The following FAM171B variants were observed in gnomAD, a reference collection of about 807,000 sequenced individuals.
FAM171B encodes the protein protein FAM171B.
Under a neutral mutation model 75.6 loss-of-function variants are expected in FAM171B, and 19 were observed. That is an observed-to-expected ratio of 0.25 (90% CI 0.18 to 0.37). FAM171B has a LOEUF of 0.37. FAM171B is among the 10% of genes least tolerant of loss of function. The pLI, the probability that FAM171B is intolerant of heterozygous loss-of-function variation, is 1.00. For missense variants in FAM171B, 848 were observed against 982.4 expected (o/e 0.86, Z 1.83); for synonymous variants, 367 against 361.7 (o/e 1.01, Z -0.17).
intron 2 of FAM171B, 119 bp from the exon 3 acceptor site, chr2:186,743,364 C>A: frequency 1.6e-6 from 1 of 622,412 alleles, no homozygotes; most frequent in Non-Finnish European, 2.9e-6. Flanking sequence ...CTCTTCCCAT[C>A]AAGCATTTGT....
chr2:186,696,485 C>A (rs1458566290), intron 1 of FAM171B, among the ~76,000 whole-genome samples: 5 of 142,742 alleles, frequency 3.5e-5, no homozygotes, highest in African/African-American at 1.3e-4. Flanking sequence ...TAAATAGGAT[C>A]ATTTCTGCCC....
intron 5 of FAM171B, 103 bp from the exon 6 acceptor site, chr2:186,753,830 C>T: frequency 1.3e-6 from 1 of 793,140 alleles, no homozygotes; most frequent in Admixed American, 1.9e-5. Context: ...TATATATTGC[C>T]ACAGTTTTCA....
At chr2:186,726,324 A>G (rs1482431223) in intron 1 of FAM171B, among the ~76,000 whole-genome samples, 2 of 152,134 alleles carry the variant, frequency 1.3e-5, no homozygotes, top group Non-Finnish European at 2.9e-5. Context: ...GTTTGGATCC[A>G]ATCTGGGGCT....
At chr2:186,709,663 G>T (rs925847860) in intron 1 of FAM171B, among the ~76,000 whole-genome samples, 1 of 152,144 alleles carries the variant, frequency 6.6e-6, no homozygotes, top group Non-Finnish European at 1.5e-5. Flanking sequence ...GTTGTGTGTT[G>T]ATGTCTCCTA....
intron 1 of FAM171B, among the ~76,000 whole-genome samples, chr2:186,735,104 G>A (rs914936671): frequency 3.3e-5 from 5 of 152,306 alleles, no homozygotes; most frequent in Middle Eastern, 3.4e-3. Context: ...TAGGGGCAGG[G>A]CTCCCTCTGG....
chr2:186,702,669 A>G (rs1026352530), intron 1 of FAM171B, among the ~76,000 whole-genome samples: 1 of 152,130 alleles, frequency 6.6e-6, no homozygotes, highest in African/African-American at 2.4e-5. Flanking sequence ...GTGCCATTTC[A>G]GGTAGGGCAG....
intron 6 of FAM171B, among the ~76,000 whole-genome samples, 170 bp downstream of exon 6, chr2:186,754,219 C>T (rs939085635): frequency 1.8e-4 from 27 of 152,036 alleles, no homozygotes; most frequent in Admixed American, 3.3e-4. Context: ...AGATTAAGCG[C>T]CATGAACTCT....
At chr2:186,748,017 G>A (rs1160859282) in intron 4 of FAM171B, among the ~76,000 whole-genome samples, 3 of 152,036 alleles carry the variant, frequency 2.0e-5, no homozygotes, top group Non-Finnish European at 4.4e-5. Context: ...TAACCACCAA[G>A]GTTCGAGTGA....
rs1690672106 is a variant in FAM171B at position 186,764,494 on chromosome 2, T to A, written c.*1671T>A. ...TTTTTTTTTTTTTTTTTTTTAGTGATAAGGCTCATAACAATTAATTAGAGA... is the reference window on the plus strand; with the variant it reads ...TTTTTTTTTTTTTTTTTTTTAGTGAAAAGGCTCATAACAATTAATTAGAGA... On this transcript the variant is annotated 3_prime_UTR_variant, in exon 8 of 8. Transcript: ENST00000304698. The A allele has an allele frequency of 6.9e-5, 1 of 14,398 alleles. No homozygotes were observed. Among genetic ancestry groups the A allele is most frequent in the African/African-American group, 1.1e-4 (1 of 8,776 alleles). The allele number at this position is 14,398 out of a possible 1,614,324, so 0.9% of individuals were successfully genotyped here.
At chr2:186,700,533 A>G (rs1020082140) in intron 1 of FAM171B, among the ~76,000 whole-genome samples, 2 of 152,160 alleles carry the variant, frequency 1.3e-5, no homozygotes, top group African/African-American at 4.8e-5. Flanking sequence ...AGCTTAGTAT[A>G]ATTTCCACAG....
At chr2:186,699,291 T>G (rs560160382) in intron 1 of FAM171B, among the ~76,000 whole-genome samples, 1 of 152,292 alleles carries the variant, frequency 6.6e-6, no homozygotes, top group East Asian at 1.9e-4. Flanking sequence ...CAGCATTTCT[T>G]ATTGCCTGTC....
At chr2:186,733,658 G>T (rs1690153672) in intron 1 of FAM171B, among the ~76,000 whole-genome samples, 1 of 152,208 alleles carries the variant, frequency 6.6e-6, no homozygotes, top group Non-Finnish European at 1.5e-5. Flanking sequence ...GTGTGGGTGA[G>T]TGGGGGGTGT....
At chr2:186,695,666 G>A (rs1352990086) in intron 1 of FAM171B, among the ~76,000 whole-genome samples, 1 of 152,164 alleles carries the variant, frequency 6.6e-6, no homozygotes, top group South Asian at 2.1e-4. Context: ...GTGCAGGAAA[G>A]CATGTGTTTC....
intron 1 of FAM171B, among the ~76,000 whole-genome samples, chr2:186,719,566 A>T (rs189920967): frequency 4.6e-4 from 70 of 152,366 alleles, no homozygotes; most frequent in African/African-American, 1.6e-3. Flanking sequence ...AACAAATAAA[A>T]CAACAATCTT....
At position 186,718,403 on chromosome 2, in the gene FAM171B, G is replaced by A. The variant is rs924300953; in HGVS notation, c.239-21825G>A. On this transcript the variant is annotated intron_variant, in intron 1 of 7. Transcript: ENST00000304698. ...CTAAAACTTTTGTGCTTTTTCTCAC[G>A]CTATTCCTTCTTTCTGATGTACCCT... 3.9e-5 allele frequency among the ~76,000 whole-genome samples: 6 copies of A among 152,076 alleles called. No individual in the cohort carries two copies. In the East Asian group the frequency reaches 9.6e-4, roughly 24 times the overall value.
rs1690613919 is a variant in FAM171B at position 186,761,461 on chromosome 2, CCTTCT to C, written c.1137-12_1137-8del. On this transcript the variant is annotated splice_polypyrimidine_tract_variant and intron_variant, in intron 7 of 7. Transcript: ENST00000304698. ...TGTCATAACTTTTAAATATTTTTTG[CCTTCT>C]CTTCTACTCTAGGGACAAGTGTGGT... is the stretch of plus-strand genomic sequence containing the variant. 1.3e-6 allele frequency: 2 copies of C among 1,530,510 alleles called. No individual in the cohort carries two copies. The highest frequency in any genetic ancestry group is 1.4e-5 in the African/African-American group (1 of 71,626). The allele number at this position is 1,530,510 out of a possible 1,614,324, so 94.8% of individuals were successfully genotyped here.
At chr2:186,700,135 A>C (rs368505525) in intron 1 of FAM171B, among the ~76,000 whole-genome samples, 1 of 150,480 alleles carries the variant, frequency 6.6e-6, no homozygotes, top group Admixed American at 6.6e-5. Context: ...TTCCATGTAA[A>C]TTTTAGGTTA....
chr2:186,699,775 A>T (rs1046802370), intron 1 of FAM171B, among the ~76,000 whole-genome samples: 12 of 152,092 alleles, frequency 7.9e-5, no homozygotes, highest in Non-Finnish European at 1.6e-4. Context: ...TTAAATCTTT[A>T]ATCCATTTTG....
intron 1 of FAM171B, among the ~76,000 whole-genome samples, chr2:186,713,083 G>A (rs17334436): frequency 0.052 from 7,963 of 152,328 alleles, 291 homozygotes; most frequent in Non-Finnish European, 0.073. Context: ...TGGTTGTGAT[G>A]TTGGACAAGA....
Sources: allele counts gnomAD v4.1 joint callset (sites outside exome capture counted in the v4.1 genomes callset), GRCh38; gene constraint gnomAD v4.1.1; transcripts MANE v1.5; gene names NCBI Gene and HGNC (gene_info 2026-07-23, HGNC 2026-07-21).